NXPE2: variants seen among roughly 807,000 people sequenced by gnomAD.
NXPE2 encodes the protein neurexophilin and PC-esterase domain family member 2.
Under a neutral mutation model 34.4 loss-of-function variants are expected in NXPE2, and 34 were observed. That is an observed-to-expected ratio of 0.99 (90% CI 0.75 to 1.31). The LOEUF (loss-of-function observed/expected upper bound fraction) is 1.31, where lower values mean the gene tolerates loss of function less well. Ranked by LOEUF, NXPE2 falls within the 40% of genes most tolerant of loss-of-function variation. The pLI, the probability that NXPE2 is intolerant of heterozygous loss-of-function variation, is 0.00. For synonymous variants in NXPE2, 235 were observed against 231.3 expected (o/e 1.02, Z -0.15); for missense variants, 649 against 672.5 (o/e 0.97, Z 0.39).
chr11:114,590,573 CA>C, the NXPE2 span, among the ~76,000 whole-genome samples: 3 of 152,210 alleles, frequency 2.0e-5, no homozygotes, highest in African/African-American at 7.2e-5. Flanking sequence ...CCAGTGAAAG[CA>C]AGCCTTACTT....
chr11:114,641,919 A>G, the NXPE2 span, among the ~76,000 whole-genome samples: 1 of 152,134 alleles, frequency 6.6e-6, no homozygotes, highest in Non-Finnish European at 1.5e-5. Context: ...GAGTAACTTT[A>G]TGCCAACACA....
At chr11:114,566,618 T>C in the NXPE2 span, among the ~76,000 whole-genome samples, 3 of 152,130 alleles carry the variant, frequency 2.0e-5, no homozygotes, top group African/African-American at 7.2e-5. Context: ...CAAAAAACTA[T>C]ATGTTTTCAA....
the NXPE2 span, among the ~76,000 whole-genome samples, chr11:114,717,868 A>G: frequency 1.2e-3 from 176 of 152,292 alleles, 5 homozygotes; most frequent in East Asian, 0.032. Context: ...TTTGGGCCCT[A>G]GGAAAAGTTT....
chr11:114,695,838 C>G (rs1951241262), intron 2 of NXPE2, among the ~76,000 whole-genome samples: 2 of 148,774 alleles, frequency 1.3e-5, no homozygotes. Context: ...TAAACACACA[C>G]ACACACACAC....
At chr11:114,646,313 A>C in the NXPE2 span, among the ~76,000 whole-genome samples, 1 of 151,590 alleles carries the variant, frequency 6.6e-6, no homozygotes, top group Admixed American at 6.6e-5. Context: ...ATGTATATTT[A>C]TATTACAAAT....
At chr11:114,489,780 C>T in the NXPE2 span, among the ~76,000 whole-genome samples, 1 of 152,194 alleles carries the variant, frequency 6.6e-6, no homozygotes, top group Non-Finnish European at 1.5e-5. Context: ...TGGGAGCATT[C>T]CCTTTGAAAA....
upstream of NXPE2, among the ~76,000 whole-genome samples, chr11:114,675,476 ACT>A (rs1565377704): frequency 6.6e-6 from 1 of 151,896 alleles, no homozygotes; most frequent in Non-Finnish European, 1.5e-5. Context: ...TACAAAATTC[ACT>A]GCAGAAATAC....
chr11:114,682,594 A>G (rs990292932), intron 2 of NXPE2, among the ~76,000 whole-genome samples: 1 of 152,226 alleles, frequency 6.6e-6, no homozygotes, highest in African/African-American at 2.4e-5. Context: ...TTAAAAGCAC[A>G]TACAGGAAGA....
chr11:114,633,502 G>A, the NXPE2 span, among the ~76,000 whole-genome samples: 3 of 150,196 alleles, frequency 2.0e-5, no homozygotes, highest in Non-Finnish European at 4.4e-5. Flanking sequence ...TAGGGTACAT[G>A]TGCACAATGT....
At chr11:114,608,260 G>T in the NXPE2 span, among the ~76,000 whole-genome samples, 1 of 150,942 alleles carries the variant, frequency 6.6e-6, no homozygotes, top group East Asian at 2.0e-4. Context: ...TAAAAGTTTT[G>T]CCTTGTGGGT....
the NXPE2 span, chr11:114,522,540 T>C: frequency 6.8e-7 from 1 of 1,468,476 alleles, no homozygotes; most frequent in Non-Finnish European, 9.2e-7. Context: ...AAATAGAAGA[T>C]AATGGTTAAT....
the NXPE2 span, among the ~76,000 whole-genome samples, chr11:114,747,864 AATATG>A: frequency 6.6e-6 from 1 of 152,222 alleles, no homozygotes; most frequent in African/African-American, 2.4e-5. Flanking sequence ...ATTTTTCAAG[AATATG>A]ATATATTATC....
At chr11:114,712,962 A>C in the NXPE2 span, among the ~76,000 whole-genome samples, 3 of 152,208 alleles carry the variant, frequency 2.0e-5, no homozygotes, top group African/African-American at 7.2e-5. Flanking sequence ...AAGGAAGGAA[A>C]TCATGTCACA....
the NXPE2 span, among the ~76,000 whole-genome samples, chr11:114,473,702 C>A: frequency 6.6e-6 from 1 of 152,304 alleles, no homozygotes; most frequent in Admixed American, 6.5e-5. Flanking sequence ...TTATCAAAAG[C>A]ATTCTTGAAA....
chr11:114,655,627 A>G, the NXPE2 span, among the ~76,000 whole-genome samples: 1 of 152,170 alleles, frequency 6.6e-6, no homozygotes, highest in East Asian at 1.9e-4. Flanking sequence ...GGAAGATCAG[A>G]TGGTTGTAGA....
rs930074042 is a variant in NXPE2 at position 114,698,529 on chromosome 11, C to A, written c.617C>A (p.Ala206Glu). The A allele has an allele frequency of 6.2e-7, 1 of 1,613,962 alleles. No homozygotes were observed. The highest frequency in any genetic ancestry group is 1.3e-5 in the African/African-American group (1 of 74,920). The change falls in exon 3 of 6, where the codon GCA becomes GAA. Residue 206 changes from alanine (A) to glutamate (E), a missense_variant. Ala to Glu is a moderately radical substitution (Grantham distance 107). Transcript: ENST00000389586. The part of the protein sequence containing the change: ...PSEGVSALWR[A>E]RNQGCDRIIF... ...GAAGGGGTATCAGCTCTCTGGAGGGCAAGGAACCAAGGATGTGATAGGATC... is the reference window on the plus strand; with the variant it reads ...GAAGGGGTATCAGCTCTCTGGAGGGAAAGGAACCAAGGATGTGATAGGATC...
chr11:114,729,140 C>T, the NXPE2 span, among the ~76,000 whole-genome samples: 1 of 152,090 alleles, frequency 6.6e-6, no homozygotes. Flanking sequence ...CAAGGTTTAG[C>T]TCCCACTTAT....
the NXPE2 span, among the ~76,000 whole-genome samples, chr11:114,498,768 T>C: frequency 2.6e-5 from 4 of 152,154 alleles, no homozygotes; most frequent in African/African-American, 9.6e-5. Flanking sequence ...ATGTGACTAA[T>C]TAATTGACTG....
the NXPE2 span, among the ~76,000 whole-genome samples, chr11:114,470,559 G>T: frequency 1.3e-5 from 2 of 151,128 alleles, no homozygotes; most frequent in African/African-American, 4.9e-5. Flanking sequence ...GTATAATAGG[G>T]TTCTCCAGAG....
Sources: gnomAD v4.1 joint callset for allele counts (sites outside exome capture counted in the v4.1 genomes callset) on GRCh38, gnomAD v4.1.1 for gene constraint, MANE v1.5 for transcripts, NCBI Gene and HGNC (gene_info 2026-07-23, HGNC 2026-07-21) for gene names.